Variants in CSNK1D observed in about 807,000 individuals in gnomAD.
CSNK1D encodes casein kinase I isoform delta.
In CSNK1D, 16 loss-of-function variants were observed where a neutral mutation model predicts 46.6. That is an observed-to-expected ratio of 0.34 (90% CI 0.23 to 0.52). The LOEUF is 0.52. Among genes scored for constraint, CSNK1D ranks in the 20% least tolerant of loss-of-function variants. CSNK1D has a pLI of 0.95. For missense variants in CSNK1D, 398 were observed against 578.4 expected, an observed-to-expected ratio of 0.69 and a Z score of 3.20; for synonymous variants, 276 against 228.2, an observed-to-expected ratio of 1.21 and a Z score of -1.89.
downstream of CSNK1D, chr17:82,239,615 G>A (rs1299462274): frequency 5.0e-5 from 12 of 241,660 alleles, no homozygotes; most frequent in East Asian, 9.7e-4. Flanking sequence ...ATTCGTAGCA[G>A]GGGCAGGCGC....
rs150652834 is a variant in CSNK1D at position 82,246,015 on chromosome 17, C to T, written c.1198-1184G>A. The T allele has an allele frequency of 8.9e-4, 1,435 of 1,610,416 alleles. 3 individuals carry two copies. Among genetic ancestry groups the T allele is most frequent in the Non-Finnish European group, 8.6e-4 (1,016 of 1,178,292 alleles). On this transcript the variant is annotated intron_variant, in intron 8 of 8. Transcript: ENST00000314028. ...CGATGGGAGACGAGCAGCTACTTGCCGTGGTGTTCGAAAGGAATGCTATTC... is the reference window on the plus strand; with the variant it reads ...CGATGGGAGACGAGCAGCTACTTGCTGTGGTGTTCGAAAGGAATGCTATTC...
chr17:82,273,322 G>A lies in CSNK1D; in HGVS notation c.60C>T (p.Phe20=), dbSNP rs750081214. 32 of 1,609,290 alleles carry A rather than the reference G, an allele frequency of 2.0e-5. No individual in the cohort carries two copies. The highest frequency in any genetic ancestry group is 2.7e-5 in the Non-Finnish European group (32 of 1,179,060). ...RLGRKIGSGS[F]GDIYLGTDIA... ...GGGCCTCACCGAGATAGATGTCTCC[G>A]AAGGAGCCGCTGCCGATCTTCCGGC... Residue 20 remains phenylalanine, a synonymous_variant, in exon 1 of 9, where the codon TTC becomes TTT. Coordinates refer to ENST00000314028, the MANE Select transcript of CSNK1D (RefSeq NM_001893.6). This position sits in a 1 kb window ranked among gnomAD's most constrained non-coding sequence, Gnocchi z 5.1.
At position 82,252,102 on chromosome 17, in the gene CSNK1D, G is replaced by A. The variant is rs117547546; in HGVS notation, c.736+332C>T. ...TCTCCCGAGCTCCTGGAGGGGGCCA[G>A]AGAGGGCAGCCACTGCAGAGAGAGG... On this transcript the variant is annotated intron_variant, in intron 5 of 8. Coordinates refer to ENST00000314028, the MANE Select transcript of CSNK1D (RefSeq NM_001893.6). This position sits in a 1 kb window ranked among gnomAD's most constrained non-coding sequence, Gnocchi z 4.6. 0.026 allele frequency among the ~76,000 whole-genome samples: 3,955 copies of A among 152,326 alleles called. 67 individuals are homozygous for A. Among genetic ancestry groups the A allele is most frequent in the Non-Finnish European group, 0.042 (2,879 of 68,028 alleles).
In CSNK1D at chr17:82,273,433, A is replaced by C; in HGVS notation, c.-52T>G. On this transcript the variant is annotated 5_prime_UTR_variant, in exon 1 of 9. Transcript: ENST00000314028. This position sits in a 1 kb window ranked among gnomAD's most constrained non-coding sequence, Gnocchi z 5.1. ...CCCTCCCGGCCGCTTCCTGGGTCTG[A>C]ACTCTGGGAGGCGGCGCCGCTGCTG... 1 of 1,602,318 alleles carries C rather than the reference A, an allele frequency of 6.2e-7. No homozygotes were observed. Among genetic ancestry groups the C allele is most frequent in the South Asian group, 1.1e-5 (1 of 90,086 alleles).
At chr17:82,242,469 G>A (rs893207289), downstream of CSNK1D, among the ~76,000 whole-genome samples, 23 of 151,836 alleles carry the variant, frequency 1.5e-4, no homozygotes, top group African/African-American at 2.7e-4. Flanking sequence ...GGGGCAGCAC[G>A]GCGAGGAGCA....
In CSNK1D at chr17:82,244,575, G is replaced by A. The variant is rs1280996355; in HGVS notation, c.*206C>T. On this transcript the variant is annotated 3_prime_UTR_variant, in exon 9 of 9. Coordinates refer to ENST00000314028, the MANE Select transcript of CSNK1D (RefSeq NM_001893.6). Reference sequence around the variant, plus strand: ...CGTTACAACCGAGTTCACGTGGGGGGCCGCAGTGCAGCCCCAGCGGTGGCA... The same window carrying A: ...CGTTACAACCGAGTTCACGTGGGGGACCGCAGTGCAGCCCCAGCGGTGGCA... 4 of 1,495,390 alleles carry A rather than the reference G, an allele frequency of 2.7e-6. No individual in the cohort carries two copies. Among genetic ancestry groups the A allele is most frequent in the African/African-American group, 2.8e-5 (2 of 72,150 alleles). 92.6% of individuals were successfully genotyped at this position (1,495,390 alleles called of 1,614,324 possible). A position where few individuals can be genotyped will look rare whatever the true frequency, so the allele number is the denominator to read the frequency against.
Position 82,263,310 on chromosome 17 carries a change from GA to G in CSNK1D, c.187+2375del, listed in dbSNP as rs2051386932. Among the ~76,000 whole-genome samples the G allele has an allele frequency of 2.6e-5, 4 of 152,240 alleles. No individual in the cohort carries two copies. In the South Asian group the frequency reaches 6.2e-4, roughly 24 times the overall value. On this transcript the variant is annotated intron_variant, in intron 2 of 8. Coordinates refer to ENST00000314028, the MANE Select transcript of CSNK1D (RefSeq NM_001893.6). ...TGGTCAGGGACATGGCAATGCGCTC[GA>G]AGCCCAAATGGGAGAAAAACCATTT...
intron 1 of CSNK1D, among the ~76,000 whole-genome samples, chr17:82,268,937 T>C (rs899219196): frequency 3.3e-5 from 5 of 151,218 alleles, no homozygotes; most frequent in African/African-American, 9.7e-5. Flanking sequence ...CTACTATAAA[T>C]ACAAAAAAAA....
rs764181633 is a variant in CSNK1D at position 82,249,556 on chromosome 17, C to G, written c.932G>C (p.Arg311Pro). ...ADDAERERRDREERLRHSRNP... is the reference protein window; with the variant it reads ...ADDAERERRDPEERLRHSRNP... ...CCGCGAGTGTCTCAGCCGCTCCTCT[C>G]GGTCCCTGCGCTCCCGCTCGGCGTC... The change falls in exon 7 of 9, where the codon CGA becomes CCA. Residue 311 changes from arginine to proline, a missense_variant. This residue lies in a region of CSNK1D where 181 missense variants were observed against 208.0 expected (regional missense o/e 0.87). Coordinates refer to ENST00000314028, the MANE Select transcript of CSNK1D (RefSeq NM_001893.6). The surrounding 1 kb of genome is among the most constrained non-coding windows in gnomAD (Gnocchi z 6.7). 1.3e-6 allele frequency: 2 copies of G among 1,550,888 alleles called. No individual in the cohort carries two copies. The highest frequency in any genetic ancestry group is 1.7e-6 in the Non-Finnish European group (2 of 1,150,592).
intron 8 of CSNK1D, chr17:82,245,167 C>T: frequency 1.9e-6 from 1 of 514,352 alleles, no homozygotes; most frequent in East Asian, 3.5e-5. Context: ...GGGTACCCCT[C>T]TCAGGGAAGA....
chr17:82,267,582 G>A (rs1250193301), intron 1 of CSNK1D, among the ~76,000 whole-genome samples: 1 of 152,168 alleles, frequency 6.6e-6, no homozygotes, highest in African/African-American at 2.4e-5. Flanking sequence ...CAGAGTACTC[G>A]AGGTAACAAA....
chr17:82,264,554 G>C (rs1010207874), intron 2 of CSNK1D, among the ~76,000 whole-genome samples: 1 of 152,212 alleles, frequency 6.6e-6, no homozygotes, highest in Non-Finnish European at 1.5e-5. Context: ...AACTGAGCTG[G>C]AAGAGGTCAT....
At chr17:82,263,382 G>A (rs1399362019) in intron 2 of CSNK1D, among the ~76,000 whole-genome samples, 3 of 152,184 alleles carry the variant, frequency 2.0e-5, no homozygotes, top group Admixed American at 6.5e-5. Context: ...GGTGCCATGG[G>A]CAGGAACATG....
intron 1 of CSNK1D, among the ~76,000 whole-genome samples, chr17:82,270,307 A>G (rs1187017781): frequency 6.6e-6 from 1 of 152,164 alleles, no homozygotes; most frequent in Non-Finnish European, 1.5e-5. Context: ...CCACGCTTCT[A>G]GCCCACAGGC....
chr17:82,267,779 C>G (rs1038533425), intron 1 of CSNK1D, among the ~76,000 whole-genome samples: 2 of 152,238 alleles, frequency 1.3e-5, no homozygotes, highest in Non-Finnish European at 2.9e-5. Flanking sequence ...CTCCCTGCAC[C>G]CCCAAGCAGG....
At chr17:82,262,217 T>C (rs2051358094) in intron 2 of CSNK1D, among the ~76,000 whole-genome samples, 1 of 152,234 alleles carries the variant, frequency 6.6e-6, no homozygotes, top group Non-Finnish European at 1.5e-5. Context: ...TCCTGACAGC[T>C]GAAGGCCACG....
rs2051012108 is a variant in CSNK1D, at chr17:82,251,642, T to C, written c.737-115A>G. The C allele has an allele frequency of 1.9e-6, 2 of 1,033,734 alleles. No homozygotes were observed. Among genetic ancestry groups the C allele is most frequent in the Non-Finnish European group, 3.0e-6 (2 of 673,226 alleles). The allele number at this position is 1,033,734 out of a possible 1,614,324, so 64.0% of individuals were successfully genotyped here. On this transcript the variant is annotated intron_variant, in intron 5 of 8. Transcript: ENST00000314028. The surrounding 1 kb of genome is among the most constrained non-coding windows in gnomAD (Gnocchi z 4.5). Reference sequence around the variant, plus strand: ...GCACACTCAAGGGGAGAAGGACAGATGCAAAACACCTGTCAGATTTCTAAG... The same window carrying C: ...GCACACTCAAGGGGAGAAGGACAGACGCAAAACACCTGTCAGATTTCTAAG...
rs1364178852 is a variant in CSNK1D, at chr17:82,260,726, C to CTGATG, written c.187+4959_187+4960insCATCA. The stretch of plus-strand genomic sequence containing the variant: ...ACTGATGTGACTGATGGTGTACTGA[C>CTGATG]TGACGGTGTACCGACTGATGTGACT... On this transcript the variant is annotated intron_variant, in intron 2 of 8. Coordinates refer to ENST00000314028, the MANE Select transcript of CSNK1D (RefSeq NM_001893.6). Among the ~76,000 whole-genome samples the CTGATG allele has an allele frequency of 3.5e-5, 5 of 142,090 alleles. 1 individual carries two copies. The highest frequency in any genetic ancestry group is 1.5e-4 in the African/African-American group (5 of 32,494). The allele number at this position is 142,090 out of a possible 152,430, so 93.2% of individuals were successfully genotyped here. A position where few individuals can be genotyped will look rare whatever the true frequency, so the allele number is the denominator to read the frequency against.
At chr17:82,267,480 A>G (rs1183717416) in intron 1 of CSNK1D, among the ~76,000 whole-genome samples, 1 of 152,042 alleles carries the variant, frequency 6.6e-6, no homozygotes, top group Non-Finnish European at 1.5e-5. Flanking sequence ...ACCCCTTGCC[A>G]CTGCTGCGTT....
Sources: gnomAD v4.1 joint callset for allele counts (sites outside exome capture counted in the v4.1 genomes callset) on GRCh38, gnomAD v4.1.1 for gene constraint, gnomAD v4.1.1 regional missense constraint, Gnocchi (gnomAD v3.1) non-coding constraint, MANE v1.5 for transcripts, NCBI Gene and HGNC (gene_info 2026-07-23, HGNC 2026-07-21) for gene names.